GABRB2: variants seen among roughly 807,000 people sequenced by gnomAD.
GABRB2 encodes the protein gamma-aminobutyric acid receptor subunit beta-2.
A neutral mutation model predicts 54.7 loss-of-function variants in GABRB2; 16 were observed. The observed-to-expected ratio is 0.29, with a 90% CI of 0.20 to 0.44. GABRB2 has a LOEUF of 0.44. GABRB2 is among the 20% of genes least tolerant of loss of function. The pLI, the probability that GABRB2 is intolerant of heterozygous loss-of-function variation, is 1.00. For synonymous variants in GABRB2, 244 were observed against 233.8 expected, an observed-to-expected ratio of 1.04 and a Z score of -0.40; for missense variants, 355 against 644.0, an observed-to-expected ratio of 0.55 and a Z score of 4.86.
At chr5:161,362,052 T>C (rs1247455045) in intron 5 of GABRB2, among the ~76,000 whole-genome samples, 1 of 152,186 alleles carries the variant, frequency 6.6e-6, no homozygotes, top group East Asian at 1.9e-4. Flanking sequence ...CTGTTGCTTG[T>C]TTTTGTCAGG....
chr5:161,467,358 T>A (rs1758309855), intron 3 of GABRB2, among the ~76,000 whole-genome samples: 1 of 152,106 alleles, frequency 6.6e-6, no homozygotes, highest in Non-Finnish European at 1.5e-5. Flanking sequence ...TTCTTTCACT[T>A]ACGCTATATC....
chr5:161,310,669 G>GCA (rs1757835893), intron 9 of GABRB2, among the ~76,000 whole-genome samples: 1 of 125,612 alleles, frequency 8.0e-6, no homozygotes, highest in South Asian at 2.3e-4. Flanking sequence ...ACACGCACGC[G>GCA]CACGCGCGCA....
chr5:161,519,742 C>A (rs940492110), intron 3 of GABRB2, among the ~76,000 whole-genome samples: 1 of 151,954 alleles, frequency 6.6e-6, no homozygotes, highest in Non-Finnish European at 1.5e-5. Flanking sequence ...AGAATCGATA[C>A]CATCCCAATT....
chr5:161,448,454 G>T (rs1757699330), intron 4 of GABRB2, among the ~76,000 whole-genome samples: 1 of 151,968 alleles, frequency 6.6e-6, no homozygotes, highest in Admixed American at 6.6e-5. Context: ...AAAACCTGTG[G>T]GCAGGATAAT....
intron 5 of GABRB2, among the ~76,000 whole-genome samples, chr5:161,350,314 T>A (rs1255470859): frequency 6.6e-6 from 1 of 152,046 alleles, no homozygotes; most frequent in Non-Finnish European, 1.5e-5. Flanking sequence ...CACCAAAAAT[T>A]TTTTAGAGCT....
At chr5:161,336,298 G>A (rs115100345) in intron 6 of GABRB2, among the ~76,000 whole-genome samples, 2,357 of 152,200 alleles carry the variant, frequency 0.015, 27 homozygotes, top group Non-Finnish European at 0.021. Context: ...AGGGATTATG[G>A]TCAATTCTGT....
chr5:161,483,242 C>T (rs1025338791), intron 3 of GABRB2, among the ~76,000 whole-genome samples: 3 of 152,094 alleles, frequency 2.0e-5, no homozygotes, highest in South Asian at 2.1e-4. Flanking sequence ...TTATAATTGA[C>T]GTCTCTGTGT....
intron 9 of GABRB2, among the ~76,000 whole-genome samples, chr5:161,298,532 G>A (rs1163197553): frequency 6.6e-6 from 1 of 152,130 alleles, no homozygotes; most frequent in Non-Finnish European, 1.5e-5. Context: ...TGAACTCTTA[G>A]TAACTCACTT....
intron 3 of GABRB2, among the ~76,000 whole-genome samples, chr5:161,524,529 G>A (rs767033117): frequency 5.3e-5 from 8 of 150,484 alleles, no homozygotes; most frequent in Non-Finnish European, 7.5e-5. Context: ...TTAACAGTTA[G>A]CAAACAGCAA....
intron 4 of GABRB2, among the ~76,000 whole-genome samples, chr5:161,457,583 C>T (rs975939709): frequency 2.6e-5 from 4 of 151,374 alleles, no homozygotes; most frequent in African/African-American, 9.7e-5. Flanking sequence ...GTAGCTGGGA[C>T]TACAGGCCCC....
chr5:161,503,331 A>G (rs1309024370), intron 3 of GABRB2, among the ~76,000 whole-genome samples: 2 of 152,180 alleles, frequency 1.3e-5, no homozygotes, highest in Non-Finnish European at 2.9e-5. Flanking sequence ...GGTAACTAAA[A>G]GATCTTCAAT....
chr5:161,450,228 T>C (rs1331691056), intron 4 of GABRB2, among the ~76,000 whole-genome samples: 1 of 152,094 alleles, frequency 6.6e-6, no homozygotes, highest in Non-Finnish European at 1.5e-5. Context: ...CACAGCGAAC[T>C]TTCATTCCGT....
intron 7 of GABRB2, 114 bp downstream of exon 7, chr5:161,334,638 A>T: frequency 2.0e-6 from 2 of 995,482 alleles, no homozygotes; most frequent in Non-Finnish European, 3.0e-6. Flanking sequence ...TTACAGTGTG[A>T]GAGGTTCAGT....
intron 4 of GABRB2, among the ~76,000 whole-genome samples, chr5:161,412,636 C>T (rs914762525): frequency 3.3e-5 from 5 of 152,316 alleles, no homozygotes; most frequent in Middle Eastern, 3.4e-3. Flanking sequence ...CTGGAGTACT[C>T]TAGTCCTTTC....
chr5:161,476,299 A>C (rs758154563), intron 3 of GABRB2, among the ~76,000 whole-genome samples: 4 of 151,960 alleles, frequency 2.6e-5, no homozygotes, highest in Non-Finnish European at 5.9e-5. Context: ...ACACAAATGA[A>C]TGAAAATAAA....
chr5:161,512,489 G>T (rs560858232), intron 3 of GABRB2, among the ~76,000 whole-genome samples: 1 of 152,186 alleles, frequency 6.6e-6, no homozygotes, highest in African/African-American at 2.4e-5. Context: ...CTCAATAAAT[G>T]GTGCTGGGAT....
chr5:161,323,728 T>C (rs1758284389), intron 9 of GABRB2, among the ~76,000 whole-genome samples: 1 of 152,160 alleles, frequency 6.6e-6, no homozygotes, highest in Non-Finnish European at 1.5e-5. Context: ...TGGACCAAGT[T>C]AAACATGTTT....
At chr5:161,294,982 T>C (rs1757343330) in intron 9 of GABRB2, among the ~76,000 whole-genome samples, 1 of 152,162 alleles carries the variant, frequency 6.6e-6, no homozygotes, top group South Asian at 2.1e-4. Flanking sequence ...CCCCCAGTTA[T>C]GAGATGTCAC....
At chr5:161,455,704 CAT>C (rs1229340836) in intron 4 of GABRB2, among the ~76,000 whole-genome samples, 3 of 151,678 alleles carry the variant, frequency 2.0e-5, no homozygotes, top group East Asian at 3.9e-4. Flanking sequence ...AGCTAATTTT[CAT>C]ATGTTTTGCA....
Sources: gnomAD v4.1 joint callset for allele counts (sites outside exome capture counted in the v4.1 genomes callset) on GRCh38, gnomAD v4.1.1 for gene constraint, MANE v1.5 for transcripts, NCBI Gene and HGNC (gene_info 2026-07-23, HGNC 2026-07-21) for gene names.